Variants in CDH7 observed in about 807,000 individuals in gnomAD.
CDH7 encodes the protein cadherin 7, also known as cadherin-7.
CDH7 carries 25 observed loss-of-function variants against 71.8 expected under a neutral mutation model. The ratio of observed to expected loss-of-function variants is 0.35; its 90% CI spans 0.25 to 0.49. The LOEUF is 0.49. Among genes scored for constraint, CDH7 ranks in the 20% least tolerant of loss-of-function variants. CDH7 has a pLI of 0.99. For missense variants in CDH7, 862 were observed against 974.6 expected (o/e 0.88, Z 1.54); for synonymous variants, 381 against 363.8 (o/e 1.05, Z -0.54).
At chr18:65,753,677 T>G (rs1350208802) in intron 1 of CDH7, among the ~76,000 whole-genome samples, 1 of 152,168 alleles carries the variant, frequency 6.6e-6, no homozygotes, top group African/African-American at 2.4e-5. Context: ...CAGAGTCTTG[T>G]GTGTGACCAT....
At chr18:65,864,553 T>C (rs1395426585) in intron 11 of CDH7, among the ~76,000 whole-genome samples, 2 of 152,172 alleles carry the variant, frequency 1.3e-5, no homozygotes, top group East Asian at 3.9e-4. Flanking sequence ...ATTGCATATT[T>C]ATTTTATAGT....
chr18:65,836,776 C>T (rs1912546354), intron 6 of CDH7, among the ~76,000 whole-genome samples: 1 of 152,106 alleles, frequency 6.6e-6, no homozygotes. Context: ...TTTGCTTACA[C>T]TTATTTTACT....
chr18:65,837,951 G>A (rs1157198081), intron 6 of CDH7, among the ~76,000 whole-genome samples: 1 of 120,142 alleles, frequency 8.3e-6, no homozygotes, highest in African/African-American at 3.2e-5. Flanking sequence ...TTGAGACGAT[G>A]TCTTGCTCTG....
In CDH7 at chr18:65,779,234, G is replaced by A. The variant is rs190557916; in HGVS notation, c.210+16182G>A. Among the ~76,000 whole-genome samples the A allele has an allele frequency of 8.3e-4, 118 of 141,416 alleles. No homozygotes were observed. In the Middle Eastern group the frequency reaches 0.02, roughly 23 times the overall value. The allele number at this position is 141,416 out of a possible 152,430, so 92.8% of individuals were successfully genotyped here. On this transcript the variant is annotated intron_variant, in intron 2 of 11. Transcript: ENST00000397968. Reference sequence around the variant, plus strand: ...ATCTTTCATACAGAATTGGAAGCTGGAGCCATAAGAATAGAAAACATTCTT... The same window carrying A: ...ATCTTTCATACAGAATTGGAAGCTGAAGCCATAAGAATAGAAAACATTCTT...
intron 7 of CDH7, among the ~76,000 whole-genome samples, chr18:65,854,201 G>A (rs917248589): frequency 6.6e-6 from 1 of 151,554 alleles, no homozygotes; most frequent in Admixed American, 6.6e-5. Flanking sequence ...TGCTCCTTGG[G>A]AGGCTGAGAT....
rs1914105701 is a variant in CDH7, at chr18:65,877,484, TTTAAA to T, written c.1865-2912_1865-2908del. Among the ~76,000 whole-genome samples the T allele has an allele frequency of 3.9e-5, 6 of 152,248 alleles. No homozygotes were observed. In the South Asian group the frequency reaches 1.0e-3, roughly 26 times the overall value. ...AATGTTTTGTCTACTTAGACATTGA[TTTAAA>T]TTAAGAGACCGCCTAATTATTATAT... On this transcript the variant is annotated intron_variant, in intron 11 of 11. Transcript: ENST00000397968.
chr18:65,862,964 C>A, intron 11 of CDH7, 47 bp downstream of exon 11: 1 of 1,588,402 alleles, frequency 6.3e-7, no homozygotes, highest in Non-Finnish European at 8.6e-7. Context: ...GTCACAATAA[C>A]CACATGTCAC....
chr18:65,877,906 C>G (rs1448777242), intron 11 of CDH7, among the ~76,000 whole-genome samples: 17 of 152,150 alleles, frequency 1.1e-4, no homozygotes, highest in Admixed American at 1.1e-3. Context: ...AGCTTTCATA[C>G]TTGTCAACTT....
At position 65,858,915 on chromosome 18, in the gene CDH7, T is replaced by G; in HGVS notation, c.1373-10T>G. The G allele has an allele frequency of 6.2e-7, 1 of 1,610,920 alleles. No individual in the cohort carries two copies. The highest frequency in any genetic ancestry group is 1.1e-5 in the South Asian group (1 of 90,984). ...AAGAGTAAATGATAAGACACTGTCT[T>G]ATTTATTAGAGAATCCATCTCAAGT... On this transcript the variant is annotated splice_polypyrimidine_tract_variant and intron_variant, in intron 8 of 11. Coordinates refer to ENST00000397968, the MANE Select transcript of CDH7 (RefSeq NM_004361.5).
intron 10 of CDH7, among the ~76,000 whole-genome samples, chr18:65,861,295 G>C (rs1406217626): frequency 6.6e-6 from 1 of 150,406 alleles, no homozygotes; most frequent in Admixed American, 6.7e-5. Context: ...TCACTTTTTG[G>C]GCATTTCAGC....
At chr18:65,874,225 T>A (rs1398731930) in intron 11 of CDH7, among the ~76,000 whole-genome samples, 1 of 152,212 alleles carries the variant, frequency 6.6e-6, no homozygotes, top group Non-Finnish European at 1.5e-5. Flanking sequence ...AAGAAAGTGA[T>A]ATTTAACAGA....
intron 11 of CDH7, among the ~76,000 whole-genome samples, chr18:65,866,973 C>T (rs1913781732): frequency 6.6e-6 from 1 of 151,770 alleles, no homozygotes; most frequent in South Asian, 2.1e-4. Flanking sequence ...AATTAGATAC[C>T]TCAATTATTT....
intron 2 of CDH7, among the ~76,000 whole-genome samples, chr18:65,800,953 T>C (rs1192003117): frequency 2.0e-5 from 3 of 152,192 alleles, no homozygotes; most frequent in Non-Finnish European, 2.9e-5. Context: ...TTAAATATCA[T>C]TTCTTTAAAA....
In CDH7 at chr18:65,888,780, G is replaced by A. The variant is rs62089039; in HGVS notation, c.*7886G>A. 0.26 allele frequency: 39,108 copies of A among 150,896 alleles called. 5,589 individuals carry two copies. Among genetic ancestry groups the A allele is most frequent in the Non-Finnish European group, 0.32 (21,934 of 67,750 alleles). 9.3% of individuals were successfully genotyped at this position (150,896 alleles called of 1,614,324 possible). On this transcript the variant is annotated 3_prime_UTR_variant, in exon 12 of 12. Coordinates refer to ENST00000397968, the MANE Select transcript of CDH7 (RefSeq NM_004361.5). The stretch of plus-strand genomic sequence containing the variant: ...ACACACACACTCACACACACACGAA[G>A]TAAATGGTAGAAATGAAAGAAGAAG...
chr18:65,797,702 C>A (rs1266731897), intron 2 of CDH7, among the ~76,000 whole-genome samples: 1 of 152,056 alleles, frequency 6.6e-6, no homozygotes, highest in East Asian at 1.9e-4. Flanking sequence ...TGAAATTATG[C>A]CAGAGACTTT....
intron 10 of CDH7, among the ~76,000 whole-genome samples, chr18:65,860,190 A>C (rs956488573): frequency 1.3e-5 from 2 of 152,210 alleles, no homozygotes; most frequent in Non-Finnish European, 2.9e-5. Context: ...ACATAAGAAA[A>C]AGAACTGGAC....
chr18:65,782,144 TTCTTTC>T (rs1671136650), intron 2 of CDH7, among the ~76,000 whole-genome samples: 1 of 61,442 alleles, frequency 1.6e-5, no homozygotes, highest in Non-Finnish European at 2.9e-5. Context: ...CTTTCTTTCT[TTCTTTC>T]TTTCTTTCTT....
chr18:65,794,223 A>G (rs576862308), intron 2 of CDH7, among the ~76,000 whole-genome samples: 1 of 152,132 alleles, frequency 6.6e-6, no homozygotes. Context: ...ATTACAGTCA[A>G]TGAGACCATA....
chr18:65,777,307 A>AGTACATG (rs1468388373), intron 2 of CDH7, among the ~76,000 whole-genome samples: 1 of 152,050 alleles, frequency 6.6e-6, no homozygotes, highest in African/African-American at 2.4e-5. Context: ...CCAGATGAAA[A>AGTACATG]GTACATGAGT....
Sources: allele counts gnomAD v4.1 joint callset (sites outside exome capture counted in the v4.1 genomes callset), GRCh38; gene constraint gnomAD v4.1.1; transcripts MANE v1.5; gene names NCBI Gene and HGNC (gene_info 2026-07-23, HGNC 2026-07-21).